FREM2: variants seen among roughly 807,000 people sequenced by gnomAD.
The protein encoded by FREM2 is FRAS1-related extracellular matrix protein 2.
A neutral mutation model predicts 219.9 loss-of-function variants in FREM2; 119 were observed. That is an observed-to-expected ratio of 0.54 (90% CI 0.47 to 0.63). FREM2 has a LOEUF of 0.63. FREM2 is among the 30% of genes least tolerant of loss of function. The pLI, the probability that FREM2 is intolerant of heterozygous loss-of-function variation, is 0.00. For synonymous variants in FREM2, 1,562 were observed against 1,522.8 expected (o/e 1.03, Z -0.60); for missense variants, 4,030 against 3,993.6 (o/e 1.01, Z -0.25).
chr13:38,692,230 A>G lies in FREM2; in HGVS notation c.4886A>G (p.Tyr1629Cys), dbSNP rs553816676. The G allele has an allele frequency of 2.0e-4, 321 of 1,614,202 alleles. No homozygotes were observed. The highest frequency in any genetic ancestry group is 2.3e-4 in the African/African-American group (17 of 75,056). Residue 1629 changes from tyrosine (Y) to cysteine (C), a missense_variant, in exon 1 of 24, where the codon TAT (tyrosine) becomes TGT (cysteine). Around this residue, in one of 2 missense-constraint regions of FREM2, gnomAD observed 3,102 missense variants for 2,950.7 expected, o/e 1.05. Transcript: ENST00000280481. Reference sequence around the variant, plus strand: ...ACTGATGGCACCCATACAGACTTCTATGTTTTTCCTGATACGGTGTTTGAA... The same window carrying G: ...ACTGATGGCACCCATACAGACTTCTGTGTTTTTCCTGATACGGTGTTTGAA... Reference protein sequence around the residue: ...TVTDGTHTDFYVFPDTVFETR... With the variant: ...TVTDGTHTDFCVFPDTVFETR...
rs200577893 is a variant in FREM2 at position 38,690,621 on chromosome 13, G to A, written c.3277G>A (p.Glu1093Lys). 70 of 1,613,732 alleles carry A rather than the reference G, an allele frequency of 4.3e-5. No individual in the cohort carries two copies. Among genetic ancestry groups the A allele is most frequent in the African/African-American group, 8.0e-5 (6 of 74,926 alleles). ...TATAACATCAGTGCATATAAGTGCTGAAGATGTCGACTCCCTGAATGATGA... is the reference window on the plus strand; with the variant it reads ...TATAACATCAGTGCATATAAGTGCTAAAGATGTCGACTCCCTGAATGATGA... ...SVITSVHISAEDVDSLNDDIL... is the reference protein window; with the variant it reads ...SVITSVHISAKDVDSLNDDIL... Residue 1093 changes from glutamate to lysine, a missense_variant, in exon 1 of 24, where the codon GAA becomes AAA. Glu to Lys is a moderately conservative substitution (Grantham distance 56, BLOSUM62 1). Coordinates refer to ENST00000280481, the MANE Select transcript of FREM2 (RefSeq NM_207361.6).
chr13:38,846,560 C>T lies in FREM2; in HGVS notation c.6020-13C>T, dbSNP rs200860319. The T allele has an allele frequency of 1.7e-4, 282 of 1,611,836 alleles. 1 individual carries two copies. The highest frequency in any genetic ancestry group is 1.2e-3 in the Middle Eastern group (7 of 5,808). On this transcript the variant is annotated splice_polypyrimidine_tract_variant and intron_variant, in intron 6 of 23. Transcript: ENST00000280481. The stretch of plus-strand genomic sequence containing the variant: ...AAAAATAACAGAAATGATTTCTGTT[C>T]CTTTCTTAACAGAACCCATCTTTTA...
At chr13:38,813,068 T>G (rs891203159) in intron 6 of FREM2, among the ~76,000 whole-genome samples, 2 of 152,160 alleles carry the variant, frequency 1.3e-5, no homozygotes. Flanking sequence ...CATCCTGTAG[T>G]CTTTCTACTT....
At chr13:38,714,208 T>G (rs1870891571) in intron 2 of FREM2, among the ~76,000 whole-genome samples, 1 of 152,244 alleles carries the variant, frequency 6.6e-6, no homozygotes, top group Admixed American at 6.5e-5. Flanking sequence ...ATGAGTGAAC[T>G]TGCTCAGTAA....
intron 6 of FREM2, among the ~76,000 whole-genome samples, chr13:38,814,503 C>T (rs1386377504): frequency 2.6e-5 from 4 of 152,156 alleles, no homozygotes; most frequent in Non-Finnish European, 5.9e-5. Context: ...TTCTGCCAAA[C>T]ATATAGCGTC....
intron 6 of FREM2, among the ~76,000 whole-genome samples, chr13:38,806,997 A>T (rs1165271143): frequency 6.6e-6 from 1 of 151,038 alleles, no homozygotes; most frequent in East Asian, 2.1e-4. Flanking sequence ...AGGTTTTATG[A>T]TAAGATTGCA....
chr13:38,811,680 A>G (rs370591215), intron 6 of FREM2, among the ~76,000 whole-genome samples: 21 of 151,968 alleles, frequency 1.4e-4, no homozygotes, highest in South Asian at 1.2e-3. Context: ...TATTATTTCA[A>G]TTTTTTTGAC....
Position 38,783,054 on chromosome 13 carries a change from T to G in FREM2, c.5642-16T>G. 3.1e-6 allele frequency: 5 copies of G among 1,612,994 alleles called. No homozygotes were observed. The highest frequency in any genetic ancestry group is 4.2e-6 in the Non-Finnish European group (5 of 1,179,760). On this transcript the variant is annotated splice_polypyrimidine_tract_variant and intron_variant, in intron 4 of 23. Coordinates refer to ENST00000280481, the MANE Select transcript of FREM2 (RefSeq NM_207361.6). Reference sequence around the variant, plus strand: ...CTCAGACAAAAATAATGCTTGCAATTGTGTTTTCTCTCTAGAGCCAACTGT... The same window carrying G: ...CTCAGACAAAAATAATGCTTGCAATGGTGTTTTCTCTCTAGAGCCAACTGT...
At chr13:38,747,832 T>G (rs1872550949) in intron 2 of FREM2, among the ~76,000 whole-genome samples, 1 of 152,200 alleles carries the variant, frequency 6.6e-6, no homozygotes, top group South Asian at 2.1e-4. Flanking sequence ...TTTATCAGCC[T>G]TAAAGTTTAT....
In FREM2 at chr13:38,689,623, C is replaced by A. The variant is rs372457944; in HGVS notation, c.2279C>A (p.Thr760Asn). The change falls in exon 1 of 24, where the codon ACC becomes AAC. Residue 760 changes from threonine (T) to asparagine (N), a missense_variant. This residue lies in a region of FREM2 where 3,102 missense variants were observed against 2,950.7 expected (regional missense o/e 1.05). Transcript: ENST00000280481. ...DENHLPAPLG[T>N]LVLTDNPSVV... ...AATCACCTGCCAGCCCCACTGGGTA[C>A]CTTGGTCTTGACTGACAACCCCTCA... 1 of 1,613,946 alleles carries A rather than the reference C, an allele frequency of 6.2e-7. No individual in the cohort carries two copies. The highest frequency in any genetic ancestry group is 8.5e-7 in the Non-Finnish European group (1 of 1,179,948).
intron 1 of FREM2, 76 bp downstream of exon 1, chr13:38,692,593 G>A: frequency 6.6e-6 from 10 of 1,515,288 alleles, no homozygotes; most frequent in Middle Eastern, 1.7e-4. Flanking sequence ...CACAAACAGA[G>A]CATTAAATTA....
chr13:38,710,988 A>C (rs1289726956), intron 2 of FREM2, among the ~76,000 whole-genome samples: 1 of 152,114 alleles, frequency 6.6e-6, no homozygotes, highest in Non-Finnish European at 1.5e-5. Context: ...TTATTTGTAC[A>C]CCCCTAGGTA....
chr13:38,740,467 G>A (rs1872198192), intron 2 of FREM2, among the ~76,000 whole-genome samples: 1 of 152,176 alleles, frequency 6.6e-6, no homozygotes, highest in Non-Finnish European at 1.5e-5. Context: ...CAATTGTTGA[G>A]ATGATTAATT....
intron 15 of FREM2, among the ~76,000 whole-genome samples, chr13:38,861,827 T>G (rs961445502): frequency 2.0e-5 from 3 of 152,222 alleles, no homozygotes; most frequent in African/African-American, 7.2e-5. Context: ...AGTCTAGCTT[T>G]TATGAAAGAG....
At chr13:38,876,613 A>G (rs1878350947) in intron 20 of FREM2, among the ~76,000 whole-genome samples, 1 of 152,004 alleles carries the variant, frequency 6.6e-6, no homozygotes, top group Admixed American at 6.6e-5. Flanking sequence ...TGCAATGGTT[A>G]TTTTTTTCTT....
At position 38,872,890 on chromosome 13, in the gene FREM2, T is replaced by C; in HGVS notation, c.8132T>C (p.Leu2711Ser). The change falls in exon 17 of 24, where the codon TTG (leucine) becomes TCG (serine). Residue 2711 changes from leucine (L) to serine (S), a missense_variant. Physicochemically the swap from Leu to Ser is moderately radical, Grantham distance 145. Transcript: ENST00000280481. ...RLTFVYDTAI[L>S]WNDGIGSPPE... ...ACTTTTGTGTACGACACCGCCATCT[T>C]GTGGAATGATGGAATTGGCAGCCCC... 1 of 1,614,010 alleles carries C rather than the reference T, an allele frequency of 6.2e-7. No individual in the cohort carries two copies. The highest frequency in any genetic ancestry group is 1.1e-5 in the South Asian group (1 of 91,082).
intron 6 of FREM2, among the ~76,000 whole-genome samples, chr13:38,799,966 T>C (rs1356006508): frequency 6.6e-6 from 1 of 152,196 alleles, no homozygotes; most frequent in Non-Finnish European, 1.5e-5. Context: ...ATCAATTTTC[T>C]TCCAAAATTA....
chr13:38,816,463 G>A (rs12428288), intron 6 of FREM2, among the ~76,000 whole-genome samples: 3,009 of 152,136 alleles, frequency 0.02, 43 homozygotes, highest in Non-Finnish European at 0.031. Context: ...GCACATTAAC[G>A]GAAAGAATTA....
At chr13:38,782,620 T>C (rs907874617) in intron 4 of FREM2, among the ~76,000 whole-genome samples, 6 of 152,370 alleles carry the variant, frequency 3.9e-5, no homozygotes, top group Middle Eastern at 3.4e-3. Context: ...GTTCTAATCC[T>C]GACTTGGCCA....
Sources: gnomAD v4.1 joint callset for allele counts (sites outside exome capture counted in the v4.1 genomes callset) on GRCh38, gnomAD v4.1.1 for gene constraint, gnomAD v4.1.1 regional missense constraint, MANE v1.5 for transcripts, NCBI Gene and HGNC (gene_info 2026-07-23, HGNC 2026-07-21) for gene names.